NFIX: variants seen among roughly 807,000 people sequenced by gnomAD.
The protein encoded by NFIX is nuclear factor 1 X-type.
A neutral mutation model predicts 53.3 loss-of-function variants in NFIX; 2 were observed. The observed-to-expected ratio is 0.04, with a 90% confidence interval of 0.02 to 0.12. The LOEUF is 0.12. Ranked by LOEUF, NFIX falls within the 10% of genes least tolerant of loss-of-function variation. The pLI, the probability that NFIX is intolerant of heterozygous loss-of-function variation, is 1.00. For missense variants in NFIX, 310 were observed against 674.5 expected (o/e 0.46, Z 5.99); for synonymous variants, 244 against 289.0 (o/e 0.84, Z 1.58).
At chr19:13,004,026 C>T (rs371830175) in intron 1 of NFIX, among the ~76,000 whole-genome samples, 3 of 152,114 alleles carry the variant, frequency 2.0e-5, no homozygotes, top group Admixed American at 1.3e-4. Context: ...CCTCCCGCCT[C>T]GGCCTCCCAA....
intron 5 of NFIX, among the ~76,000 whole-genome samples, chr19:13,075,068 T>TAAAAAAAA (rs57860606): frequency 0.21 from 15,185 of 72,078 alleles, 1,620 homozygotes; most frequent in East Asian, 0.32. Context: ...AGACTCCATC[T>TAAAAAAAA]AAAAAAAAAA....
At position 13,009,404 on chromosome 19, in the gene NFIX, G is replaced by A. The variant is rs911306811; in HGVS notation, c.27+13540G>A. Among the ~76,000 whole-genome samples the A allele has an allele frequency of 1.3e-5, 2 of 152,216 alleles. No homozygotes were observed. Among genetic ancestry groups the A allele is most frequent in the African/African-American group, 4.8e-5 (2 of 41,452 alleles). On this transcript the variant is annotated intron_variant, in intron 1 of 10. Coordinates refer to ENST00000592199, the MANE Select transcript of NFIX (RefSeq NM_001365902.3). This position sits in a 1 kb window ranked among gnomAD's most constrained non-coding sequence, Gnocchi z 4.7. ...CCTGTTTTACAGATGAGGAAACAGA[G>A]GCCGCAAGGTCAAGTGCCAAGGTCA...
At position 13,011,748 on chromosome 19, in the gene NFIX, G is replaced by A. The variant is rs2012360453; in HGVS notation, c.28-13273G>A. Reference sequence around the variant, plus strand: ...TCGCGTGCCTGTACGTACCCTACCTGAGACCGCCCCTCCGCCAAGTGCGCC... The same window carrying A: ...TCGCGTGCCTGTACGTACCCTACCTAAGACCGCCCCTCCGCCAAGTGCGCC... On this transcript the variant is annotated intron_variant, in intron 1 of 10. Transcript: ENST00000592199. This position sits in a 1 kb window ranked among gnomAD's most constrained non-coding sequence, Gnocchi z 6.5. Among the ~76,000 whole-genome samples the A allele has an allele frequency of 6.6e-6, 1 of 152,122 alleles. No homozygotes were observed. Among genetic ancestry groups the A allele is most frequent in the Non-Finnish European group, 1.5e-5 (1 of 68,022 alleles).
intron 2 of NFIX, among the ~76,000 whole-genome samples, chr19:13,058,423 A>C (rs2015850447): frequency 6.6e-6 from 1 of 151,948 alleles, no homozygotes; most frequent in African/African-American, 2.4e-5. Flanking sequence ...CCCAGACCAG[A>C]GGGTCGCTTG....
At chr19:13,032,152 A>G (rs374139345) in intron 2 of NFIX, among the ~76,000 whole-genome samples, 46 of 152,220 alleles carry the variant, frequency 3.0e-4, no homozygotes, top group African/African-American at 9.9e-4. Context: ...CAGGAGAGAA[A>G]GAGCTTCTGG....
chr19:13,030,946 C>T (rs2145216851), intron 2 of NFIX, among the ~76,000 whole-genome samples: 2 of 152,380 alleles, frequency 1.3e-5, no homozygotes, highest in South Asian at 4.1e-4. Flanking sequence ...GAAGCTGGCC[C>T]TGGCCACCTT....
Position 13,081,590 on chromosome 19 carries a change from T to G in NFIX, c.1079-90T>G, listed in dbSNP as rs1391398806. The G allele has an allele frequency of 8.6e-6, 12 of 1,396,132 alleles. No homozygotes were observed. The highest frequency in any genetic ancestry group is 1.4e-5 in the African/African-American group (1 of 70,486). 86.5% of individuals were successfully genotyped at this position (1,396,132 alleles called of 1,614,324 possible). A position where few individuals can be genotyped will look rare whatever the true frequency, so the allele number is the denominator to read the frequency against. On this transcript the variant is annotated intron_variant, in intron 7 of 10. Coordinates refer to ENST00000592199, the MANE Select transcript of NFIX (RefSeq NM_001365902.3). The surrounding 1 kb of genome is among the most constrained non-coding windows in gnomAD (Gnocchi z 4.7). ...TACCTGCTCAGGATCCTCAGGACCC[T>G]CTGACCGGCAGCTCCCCTCCTCTCC...
chr19:12,997,647 C>T (rs2011518073), intron 1 of NFIX, among the ~76,000 whole-genome samples: 1 of 152,182 alleles, frequency 6.6e-6, no homozygotes, highest in African/African-American at 2.4e-5. Context: ...ACCAAGACCC[C>T]ACGCTCAAGC....
chr19:13,064,276 G>A (rs1222799187), intron 2 of NFIX, among the ~76,000 whole-genome samples: 1 of 152,228 alleles, frequency 6.6e-6, no homozygotes, highest in Non-Finnish European at 1.5e-5. Flanking sequence ...GCTGAATCGT[G>A]GCACCAGCCA....
At chr19:13,033,499 T>C (rs2013966621) in intron 2 of NFIX, among the ~76,000 whole-genome samples, 1 of 152,212 alleles carries the variant, frequency 6.6e-6, no homozygotes, top group Non-Finnish European at 1.5e-5. Context: ...TGACATGGCA[T>C]GCCACCACCA....
At chr19:13,017,842 G>T (rs1049768964) in intron 1 of NFIX, among the ~76,000 whole-genome samples, 2 of 152,190 alleles carry the variant, frequency 1.3e-5, no homozygotes, top group Non-Finnish European at 2.9e-5. Flanking sequence ...TATGAAGCTG[G>T]CCTGTGCAGT....
At position 13,067,891 on chromosome 19, in the gene NFIX, G is replaced by T. The variant is rs2016522977; in HGVS notation, c.560-5156G>T. Among the ~76,000 whole-genome samples, 1 of 152,052 alleles carries T rather than the reference G, an allele frequency of 6.6e-6. No homozygotes were observed. The highest frequency in any genetic ancestry group is 2.4e-5 in the African/African-American group (1 of 41,374). ...GAGGCTGAGACGGGCGGATCACCAG[G>T]TCAGGAGATCGAGACCATCCTGGCT... is the stretch of plus-strand genomic sequence containing the variant. On this transcript the variant is annotated intron_variant, in intron 2 of 10. Transcript: ENST00000592199. This position sits in a 1 kb window ranked among gnomAD's most constrained non-coding sequence, Gnocchi z 4.2.
chr19:13,013,852 C>T lies in NFIX; in HGVS notation c.28-11169C>T, dbSNP rs1167328251. ...CTCTAGTAGACCCTGGCGTGGGGCA[C>T]CTGAGATCTCCGCCACTGAAAAGGC... On this transcript the variant is annotated intron_variant, in intron 1 of 10. Transcript: ENST00000592199. This position sits in a 1 kb window ranked among gnomAD's most constrained non-coding sequence, Gnocchi z 5.9. 1 of 152,084 alleles carries T rather than the reference C, an allele frequency of 6.6e-6. No individual in the cohort carries two copies. The highest frequency in any genetic ancestry group is 1.5e-5 in the Non-Finnish European group (1 of 68,022). The allele number at this position is 152,084 out of a possible 1,614,324, so 9.4% of individuals were successfully genotyped here.
chr19:13,010,562 C>T (rs1478367174), intron 1 of NFIX, among the ~76,000 whole-genome samples: 1 of 152,242 alleles, frequency 6.6e-6, no homozygotes, highest in Non-Finnish European at 1.5e-5. Flanking sequence ...TATAACATGC[C>T]CCTATCGGGC....
intron 2 of NFIX, among the ~76,000 whole-genome samples, chr19:13,057,556 C>T (rs1438849159): frequency 6.6e-6 from 1 of 152,116 alleles, no homozygotes; most frequent in Admixed American, 6.5e-5. Context: ...CCCTCCCCTG[C>T]TCATGTCCTC....
Position 13,051,848 on chromosome 19 carries a change from T to C in NFIX, c.560-21199T>C, listed in dbSNP as rs747833521. 2.6e-5 allele frequency among the ~76,000 whole-genome samples: 4 copies of C among 152,186 alleles called. No individual in the cohort carries two copies. The highest frequency in any genetic ancestry group is 4.8e-5 in the African/African-American group (2 of 41,456). On this transcript the variant is annotated intron_variant, in intron 2 of 10. Transcript: ENST00000592199. The surrounding 1 kb of genome is among the most constrained non-coding windows in gnomAD (Gnocchi z 5.1). ...CGCCGCTGCCGCCTTAGCAGGTGCC[T>C]GGAGGGGGCGGGGCGGCTCCCGGGA...
intron 10 of NFIX, among the ~76,000 whole-genome samples, chr19:13,092,650 C>G (rs1009587646): frequency 2.0e-5 from 3 of 152,256 alleles, no homozygotes; most frequent in Non-Finnish European, 4.4e-5. Flanking sequence ...CCCCCTCAAC[C>G]TCGGGGCAAT....
rs1342338970 is a variant in NFIX at position 12,996,122 on chromosome 19, C to T, written c.27+258C>T. 6.7e-6 allele frequency among the ~76,000 whole-genome samples: 1 copy of T among 148,312 alleles called. No homozygotes were observed. The highest frequency in any genetic ancestry group is 1.5e-5 in the Non-Finnish European group (1 of 67,098). ...CTGCGTCGTGGCGCTGCCCGTGGAGCGCAGGCGGGAGTGCGTGTACGTGTG... is the reference window on the plus strand; with the variant it reads ...CTGCGTCGTGGCGCTGCCCGTGGAGTGCAGGCGGGAGTGCGTGTACGTGTG... On this transcript the variant is annotated intron_variant, in intron 1 of 10. Coordinates refer to ENST00000592199, the MANE Select transcript of NFIX (RefSeq NM_001365902.3). The surrounding 1 kb of genome is among the most constrained non-coding windows in gnomAD (Gnocchi z 5.2).
At position 13,011,274 on chromosome 19, in the gene NFIX, T is replaced by C. The variant is rs2012328199; in HGVS notation, c.28-13747T>C. Among the ~76,000 whole-genome samples, 1 of 152,084 alleles carries C rather than the reference T, an allele frequency of 6.6e-6. No homozygotes were observed. ...GGGGGTGGGTGCTGGCGGCGAGACG[T>C]TGCTTTTTGGTGTGTGTTTGCTGTT... On this transcript the variant is annotated intron_variant, in intron 1 of 10. Coordinates refer to ENST00000592199, the MANE Select transcript of NFIX (RefSeq NM_001365902.3). The surrounding 1 kb of genome is among the most constrained non-coding windows in gnomAD (Gnocchi z 6.5).
Sources: allele counts gnomAD v4.1 joint callset (sites outside exome capture counted in the v4.1 genomes callset), GRCh38; gene constraint gnomAD v4.1.1; non-coding constraint Gnocchi (gnomAD v3.1); transcripts MANE v1.5; gene names NCBI Gene and HGNC (gene_info 2026-07-23, HGNC 2026-07-21).